Variants in BBS9 observed in about 807,000 individuals in gnomAD.
BBS9 encodes protein PTHB1.
In BBS9, 89 loss-of-function variants were observed where a neutral mutation model predicts 117.7. The observed-to-expected ratio is 0.76, with a 90% CI of 0.64 to 0.90. The LOEUF is 0.90. Ranked by LOEUF, BBS9 falls within the 40% of genes least tolerant of loss-of-function variation. The pLI is 0.00. For missense variants in BBS9, 982 were observed against 1,042.2 expected (o/e 0.94, Z 0.80); for synonymous variants, 379 against 370.9 (o/e 1.02, Z -0.25).
chr7:33,285,451 T>C (rs1427148965), intron 9 of BBS9, among the ~76,000 whole-genome samples: 1 of 152,168 alleles, frequency 6.6e-6, no homozygotes, highest in Non-Finnish European at 1.5e-5. Context: ...CTCTTACTAT[T>C]GGTACCTCAG....
intron 1 of BBS9, among the ~76,000 whole-genome samples, chr7:33,138,568 G>A (rs988674480): frequency 6.6e-6 from 1 of 151,066 alleles, no homozygotes; most frequent in African/African-American, 2.4e-5. Flanking sequence ...TGTGAAAAGG[G>A]GGATTTCAGG....
chr7:33,400,280 A>T (rs1265850123), intron 19 of BBS9, among the ~76,000 whole-genome samples: 1 of 152,196 alleles, frequency 6.6e-6, no homozygotes, highest in Non-Finnish European at 1.5e-5. Flanking sequence ...AGATGTTTCT[A>T]ATATTACAAT....
intron 21 of BBS9, among the ~76,000 whole-genome samples, chr7:33,596,295 C>T (rs972440203): frequency 1.6e-5 from 2 of 128,172 alleles, no homozygotes; most frequent in South Asian, 2.8e-4. Context: ...CACACACACA[C>T]ACACTTATAT....
chr7:33,586,188 TAAAC>T (rs910584321), intron 21 of BBS9, among the ~76,000 whole-genome samples: 3 of 151,780 alleles, frequency 2.0e-5, no homozygotes, highest in Non-Finnish European at 4.4e-5. Flanking sequence ...CTTAAACAAA[TAAAC>T]AAGTAAAAAC....
At chr7:33,527,346 C>G (rs1266604288) in intron 20 of BBS9, among the ~76,000 whole-genome samples, 2 of 152,112 alleles carry the variant, frequency 1.3e-5, no homozygotes, top group Admixed American at 1.3e-4. Flanking sequence ...CCTCCCCCAG[C>G]CTCGCTGCCG....
intron 21 of BBS9, among the ~76,000 whole-genome samples, chr7:33,632,756 T>C (rs6943648): frequency 0.99 from 150,509 of 152,122 alleles, 74,461 homozygotes; most frequent in East Asian, 1. Flanking sequence ...TTAATGTACA[T>C]AGCTTATAAC....
At chr7:33,407,708 C>T (rs1037216683) in intron 19 of BBS9, among the ~76,000 whole-genome samples, 7 of 152,222 alleles carry the variant, frequency 4.6e-5, no homozygotes, top group African/African-American at 1.7e-4. Context: ...ACTCCAGACC[C>T]TGTTTGCCTG....
chr7:33,587,670 A>G (rs1218812991), intron 21 of BBS9, among the ~76,000 whole-genome samples: 2 of 152,136 alleles, frequency 1.3e-5, no homozygotes, highest in Admixed American at 6.6e-5. Flanking sequence ...TAGTTTGGAC[A>G]AAACCTGACT....
intron 9 of BBS9, among the ~76,000 whole-genome samples, chr7:33,315,503 G>T (rs941208916): frequency 1.3e-5 from 2 of 152,150 alleles, no homozygotes; most frequent in Admixed American, 1.3e-4. Flanking sequence ...TGATTCCTCC[G>T]TAATTTCCCT....
At chr7:33,361,306 C>G (rs1172113342) in intron 16 of BBS9, among the ~76,000 whole-genome samples, 1 of 152,080 alleles carries the variant, frequency 6.6e-6, no homozygotes, top group African/African-American at 2.4e-5. Context: ...TGATAATAGT[C>G]TTTTATGTTG....
upstream of BBS9, chr7:33,129,301 C>T (rs1789218121): frequency 1.8e-5 from 10 of 545,864 alleles, no homozygotes; most frequent in South Asian, 7.3e-5. Context: ...GCGTGGCCTG[C>T]CCCCGGAGCC....
intron 16 of BBS9, among the ~76,000 whole-genome samples, chr7:33,360,105 A>G (rs1331258250): frequency 1.3e-5 from 2 of 152,158 alleles, no homozygotes; most frequent in African/African-American, 2.4e-5. Flanking sequence ...TCTCTCATAA[A>G]TCCATACTAT....
At chr7:33,491,444 A>T (rs1843882203) in intron 19 of BBS9, among the ~76,000 whole-genome samples, 1 of 152,200 alleles carries the variant, frequency 6.6e-6, no homozygotes, top group African/African-American at 2.4e-5. Context: ...CACAACTGGT[A>T]TTCTAGGTAC....
rs549391582 is a variant in BBS9 at position 33,569,230 on chromosome 7, T to G, written c.2521+35054T>G. On this transcript the variant is annotated intron_variant, in intron 21 of 22. Coordinates refer to ENST00000242067, the MANE Select transcript of BBS9 (RefSeq NM_198428.3). ...GTAAAAAGTATTATACACAAACGCT[T>G]CGCTCAAGTTAGTGAATTTGTGTAT... Among the ~76,000 whole-genome samples the G allele has an allele frequency of 3.3e-5, 5 of 152,260 alleles. No homozygotes were observed. The East Asian group carries it at 9.7e-4, about 29-fold the overall frequency.
rs375731680 is a variant in BBS9 at position 33,139,899 on chromosome 7, A to C, written c.-11-6343A>C. Among the ~76,000 whole-genome samples, 39 of 152,012 alleles carry C rather than the reference A, an allele frequency of 2.6e-4. No homozygotes were observed. In the East Asian group the frequency reaches 3.1e-3, roughly 12 times the overall value. ...TCATCCTTTATGGTGTATCAGGAGC[A>C]CTTGATACAGTTGGTCACTCCCTTT... On this transcript the variant is annotated intron_variant, in intron 1 of 22. Coordinates refer to ENST00000242067, the MANE Select transcript of BBS9 (RefSeq NM_198428.3).
intron 19 of BBS9, among the ~76,000 whole-genome samples, chr7:33,478,908 T>C (rs1284518449): frequency 6.7e-6 from 1 of 148,546 alleles, no homozygotes; most frequent in Non-Finnish European, 1.5e-5. Context: ...AATTTAAATA[T>C]GGTGCTTTTG....
intron 21 of BBS9, among the ~76,000 whole-genome samples, chr7:33,542,791 A>G (rs987437329): frequency 3.3e-3 from 5 of 1,512 alleles, no homozygotes; most frequent in African/African-American, 0.013. Flanking sequence ...ATATATATGT[A>G]CACACACACA....
At chr7:33,394,900 T>C (rs1827683538) in intron 19 of BBS9, among the ~76,000 whole-genome samples, 1 of 152,198 alleles carries the variant, frequency 6.6e-6, no homozygotes, top group South Asian at 2.1e-4. Flanking sequence ...AGGAAGAACC[T>C]GAGACTCTGA....
At chr7:33,594,698 G>A (rs748155254) in intron 21 of BBS9, among the ~76,000 whole-genome samples, 7 of 152,142 alleles carry the variant, frequency 4.6e-5, no homozygotes, top group Non-Finnish European at 7.3e-5. Flanking sequence ...AGCAACAGCA[G>A]CATTGAATGG....
Sources: allele counts gnomAD v4.1 joint callset (sites outside exome capture counted in the v4.1 genomes callset), GRCh38; gene constraint gnomAD v4.1.1; transcripts MANE v1.5; gene names NCBI Gene and HGNC (gene_info 2026-07-23, HGNC 2026-07-21).